PCDHGB6: variants seen among roughly 807,000 people sequenced by gnomAD.
The protein encoded by PCDHGB6 is protocadherin gamma subfamily B, 6.
PCDHGB6 carries 51 observed loss-of-function variants against 59.1 expected under a neutral mutation model. The ratio of observed to expected loss-of-function variants is 0.86; its 90% CI spans 0.69 to 1.09. PCDHGB6 has a LOEUF of 1.09. Among genes scored for constraint, PCDHGB6 ranks in the 50% least tolerant of loss-of-function variants. The pLI is 0.00. For synonymous variants in PCDHGB6, 466 were observed against 495.1 expected, an observed-to-expected ratio of 0.94 and a Z score of 0.78; for missense variants, 1,148 against 1,205.1, an observed-to-expected ratio of 0.95 and a Z score of 0.70.
At chr5:141,467,114 G>A (rs971182917) in intron 1 of PCDHGB6, among the ~76,000 whole-genome samples, 5 of 149,522 alleles carry the variant, frequency 3.3e-5, no homozygotes, top group South Asian at 2.1e-4. Context: ...GTACAATGGT[G>A]CAATCTCAGC....
Position 141,487,568 on chromosome 5 carries a change from C to G in PCDHGB6, c.2419-7239C>G, listed in dbSNP as rs752378906. The G allele has an allele frequency of 1.9e-6, 3 of 1,614,180 alleles. No homozygotes were observed. Among genetic ancestry groups the G allele is most frequent in the Non-Finnish European group, 2.5e-6 (3 of 1,180,042 alleles). ...ACCCAGTGCACCTATGGCAGGGGAG[C>G]CTGTTCGCCCAAGCTGCCCACCCTC... On this transcript the variant is annotated intron_variant, in intron 1 of 3. Transcript: ENST00000520790. This position sits in a 1 kb window ranked among gnomAD's most constrained non-coding sequence, Gnocchi z 5.0.
chr5:141,421,338 A>G (rs560707757), intron 1 of PCDHGB6: 2 of 1,613,966 alleles, frequency 1.2e-6, no homozygotes, highest in Non-Finnish European at 1.7e-6. Context: ...ATTCGGTGCC[A>G]GAAGAGACCG....
intron 1 of PCDHGB6, among the ~76,000 whole-genome samples, chr5:141,446,482 C>CT (rs112180482): frequency 6.3e-4 from 92 of 147,004 alleles, no homozygotes; most frequent in East Asian, 4.0e-3. Context: ...GGTCATCATT[C>CT]TTTTTTTTTT....
chr5:141,430,477 A>G (rs1329218924), intron 1 of PCDHGB6: 1 of 244,524 alleles, frequency 4.1e-6, no homozygotes, highest in Non-Finnish European at 7.7e-6. Context: ...TATTTAAGAT[A>G]TAAAAACGAA....
In PCDHGB6 at chr5:141,476,182, G is replaced by A. The variant is rs369561139; in HGVS notation, c.2419-18625G>A. On this transcript the variant is annotated intron_variant, in intron 1 of 3. Coordinates refer to ENST00000520790, the MANE Select transcript of PCDHGB6 (RefSeq NM_018926.3). This position sits in a 1 kb window ranked among gnomAD's most constrained non-coding sequence, Gnocchi z 7.6. ...GGAGGGTAGTGGGAGTTTTGCTTCT[G>A]CTTGGTGCCTTGAACAAGGCTTCCA... 5 of 1,613,554 alleles carry A rather than the reference G, an allele frequency of 3.1e-6. No homozygotes were observed. Among genetic ancestry groups the A allele is most frequent in the Admixed American group, 1.7e-5 (1 of 59,996 alleles).
chr5:141,491,131 G>A lies in PCDHGB6; in HGVS notation c.2419-3676G>A. 1 of 1,614,182 alleles carries A rather than the reference G, an allele frequency of 6.2e-7. No individual in the cohort carries two copies. Among genetic ancestry groups the A allele is most frequent in the Non-Finnish European group, 8.5e-7 (1 of 1,180,008 alleles). ...TACACACACTGGTGAGGTGCGCACA[G>A]CCCGGGCCTTACTGGAGGATGACTC... On this transcript the variant is annotated intron_variant, in intron 1 of 3. Coordinates refer to ENST00000520790, the MANE Select transcript of PCDHGB6 (RefSeq NM_018926.3). This position sits in a 1 kb window ranked among gnomAD's most constrained non-coding sequence, Gnocchi z 6.9.
chr5:141,432,745 G>A lies in PCDHGB6; in HGVS notation c.2418+22125G>A, dbSNP rs138883931. ...TCTCCGCCACTGTCACGCTCACCGT[G>A]GCCGTGGCCGACAGCATCCCCCAAG... On this transcript the variant is annotated intron_variant, in intron 1 of 3. Coordinates refer to ENST00000520790, the MANE Select transcript of PCDHGB6 (RefSeq NM_018926.3). This position sits in a 1 kb window ranked among gnomAD's most constrained non-coding sequence, Gnocchi z 6.0. 311 of 1,614,110 alleles carry A rather than the reference G, an allele frequency of 1.9e-4. No individual in the cohort carries two copies. The African/African-American group carries it at 3.5e-3, about 18-fold the overall frequency.
Position 141,489,564 on chromosome 5 carries a change from G to A in PCDHGB6, c.2419-5243G>A, listed in dbSNP as rs375200685. The A allele has an allele frequency of 1.9e-6, 3 of 1,613,980 alleles. No homozygotes were observed. Among genetic ancestry groups the A allele is most frequent in the Non-Finnish European group, 1.7e-6 (2 of 1,180,020 alleles). On this transcript the variant is annotated intron_variant, in intron 1 of 3. Transcript: ENST00000520790. This position sits in a 1 kb window ranked among gnomAD's most constrained non-coding sequence, Gnocchi z 4.5. Reference sequence around the variant, plus strand: ...CCAGCTGCCTGCTGCCAGTGCAGGTGGTGACTGAACACCCCCTGGAGCTAA... The same window carrying A: ...CCAGCTGCCTGCTGCCAGTGCAGGTAGTGACTGAACACCCCCTGGAGCTAA...
Position 141,431,464 on chromosome 5 carries a change from G to GA in PCDHGB6, c.2418+20846dup, listed in dbSNP as rs1561852795. 1 of 1,613,782 alleles carries GA rather than the reference G, an allele frequency of 6.2e-7. No homozygotes were observed. Among genetic ancestry groups the GA allele is most frequent in the Non-Finnish European group, 8.5e-7 (1 of 1,179,972 alleles). ...GCATCCGCGTGATGGTTCTGGATGC[G>GA]AACGACAACGCACCAGCGTTTGCTC... On this transcript the variant is annotated intron_variant, in intron 1 of 3. Coordinates refer to ENST00000520790, the MANE Select transcript of PCDHGB6 (RefSeq NM_018926.3). This position sits in a 1 kb window ranked among gnomAD's most constrained non-coding sequence, Gnocchi z 4.8.
At chr5:141,434,980 CTA>C in intron 1 of PCDHGB6, among the ~76,000 whole-genome samples, 1 of 151,954 alleles carries the variant, frequency 6.6e-6, no homozygotes, top group East Asian at 1.9e-4. Flanking sequence ...TGTTAATACT[CTA>C]TATCATTTTC....
intron 1 of PCDHGB6, chr5:141,415,556 CTT>C: frequency 6.2e-7 from 1 of 1,614,078 alleles, no homozygotes; most frequent in Non-Finnish European, 8.5e-7. Context: ...AAAAACGATC[CTT>C]TGTCTTTGTT....
chr5:141,438,165 G>GA (rs1252266607), intron 1 of PCDHGB6, among the ~76,000 whole-genome samples: 2 of 152,076 alleles, frequency 1.3e-5, no homozygotes, highest in East Asian at 3.8e-4. Flanking sequence ...AAGCTAATTG[G>GA]AAAAAATATT....
intron 1 of PCDHGB6, among the ~76,000 whole-genome samples, chr5:141,448,476 G>A (rs1002358317): frequency 1.3e-5 from 2 of 151,976 alleles, no homozygotes; most frequent in African/African-American, 4.8e-5. Flanking sequence ...TTCCACCCTT[G>A]CTTCCTCCTG....
chr5:141,499,599 C>G (rs2099792919), intron 2 of PCDHGB6, among the ~76,000 whole-genome samples: 2 of 152,102 alleles, frequency 1.3e-5, no homozygotes, highest in South Asian at 4.1e-4. Context: ...TCACCTATAT[C>G]CCTACCCTTA....
At position 141,491,546 on chromosome 5, in the gene PCDHGB6, C is replaced by T; in HGVS notation, c.2419-3261C>T. ...GAGGTGACGCTGCGGCCCACAGACT[C>T]GCAGAGCCACTGCTACAGGACGTGC... On this transcript the variant is annotated intron_variant, in intron 1 of 3. Transcript: ENST00000520790. This position sits in a 1 kb window ranked among gnomAD's most constrained non-coding sequence, Gnocchi z 6.9. 1.9e-6 allele frequency: 3 copies of T among 1,614,038 alleles called. No homozygotes were observed. Among genetic ancestry groups the T allele is most frequent in the Non-Finnish European group, 2.5e-6 (3 of 1,180,024 alleles).
intron 1 of PCDHGB6, chr5:141,419,262 G>C: frequency 1.9e-6 from 3 of 1,614,014 alleles, no homozygotes; most frequent in Non-Finnish European, 2.5e-6. Context: ...AACCAGCCGG[G>C]TGCCTCCATA....
rs202006594 is a variant in PCDHGB6 at position 141,477,618 on chromosome 5, C to G, written c.2419-17189C>G. On this transcript the variant is annotated intron_variant, in intron 1 of 3. Coordinates refer to ENST00000520790, the MANE Select transcript of PCDHGB6 (RefSeq NM_018926.3). The surrounding 1 kb of genome is among the most constrained non-coding windows in gnomAD (Gnocchi z 4.9). ...TCTTTCTTTCTCTTGGAGCAAGGAGCTGAAACCGGGCTAGTGGGTCGCTAT... is the reference window on the plus strand; with the variant it reads ...TCTTTCTTTCTCTTGGAGCAAGGAGGTGAAACCGGGCTAGTGGGTCGCTAT... 6.2e-7 allele frequency: 1 copy of G among 1,614,176 alleles called. No individual in the cohort carries two copies. Among genetic ancestry groups the G allele is most frequent in the East Asian group, 2.2e-5 (1 of 44,890 alleles).
In PCDHGB6 at chr5:141,491,961, G is replaced by A. The variant is rs891299192; in HGVS notation, c.2419-2846G>A. 3 of 970,010 alleles carry A rather than the reference G, an allele frequency of 3.1e-6. No individual in the cohort carries two copies. The highest frequency in any genetic ancestry group is 4.3e-6 in the Non-Finnish European group (3 of 693,098). 60.1% of individuals were successfully genotyped at this position (970,010 alleles called of 1,614,324 possible). On this transcript the variant is annotated intron_variant, in intron 1 of 3. Transcript: ENST00000520790. This position sits in a 1 kb window ranked among gnomAD's most constrained non-coding sequence, Gnocchi z 6.9. ...GACCCCCACCCCTACACTCAAAAAAGGCCGGGGCCTCCTTCGAGCTTCCGG... is the reference window on the plus strand; with the variant it reads ...GACCCCCACCCCTACACTCAAAAAAAGCCGGGGCCTCCTTCGAGCTTCCGG...
At chr5:141,453,178 A>G (rs939398654) in intron 1 of PCDHGB6, among the ~76,000 whole-genome samples, 1 of 152,128 alleles carries the variant, frequency 6.6e-6, no homozygotes, top group African/African-American at 2.4e-5. Flanking sequence ...CAGTGGTACA[A>G]TCACAGCTCA....
Sources: allele counts gnomAD v4.1 joint callset (sites outside exome capture counted in the v4.1 genomes callset), GRCh38; gene constraint gnomAD v4.1.1; non-coding constraint Gnocchi (gnomAD v3.1); transcripts MANE v1.5; gene names NCBI Gene and HGNC (gene_info 2026-07-23, HGNC 2026-07-21).